The following NCAPD3 variants were observed in gnomAD, a reference collection of about 807,000 sequenced individuals.
The protein encoded by NCAPD3 is non-SMC condensin II complex subunit D3.
Under a neutral mutation model 182.9 loss-of-function variants are expected in NCAPD3, and 105 were observed. The observed-to-expected ratio is 0.57, with a 90% CI of 0.49 to 0.68. The LOEUF (loss-of-function observed/expected upper bound fraction) is 0.68, where lower values mean the gene tolerates loss of function less well. NCAPD3 is among the 30% of genes least tolerant of loss of function. NCAPD3 has a pLI of 0.00. For synonymous variants in NCAPD3, 815 were observed against 679.9 expected, an observed-to-expected ratio of 1.20 and a Z score of -3.09; for missense variants, 1,944 against 1,837.0, an observed-to-expected ratio of 1.06 and a Z score of -1.07.
intron 19 of NCAPD3, among the ~76,000 whole-genome samples, chr11:134,184,036 T>A (rs1431046218): frequency 6.6e-6 from 1 of 152,204 alleles, no homozygotes; most frequent in African/African-American, 2.4e-5. Context: ...GGTAATAAAA[T>A]TATTTCTTCA....
At chr11:134,177,106 A>G (rs1944187024) in intron 23 of NCAPD3, 113 bp downstream of exon 23, 2 of 804,090 alleles carry the variant, frequency 2.5e-6, no homozygotes, top group East Asian at 5.1e-5. Context: ...GAGATGAGAC[A>G]ATTATTTTTG....
chr11:134,219,321 G>A (rs1938141590), intron 2 of NCAPD3, among the ~76,000 whole-genome samples: 1 of 152,120 alleles, frequency 6.6e-6, no homozygotes. Flanking sequence ...TTCACAGTGT[G>A]GTTCGTAGAA....
At chr11:134,177,849 C>G (rs1438356313) in intron 22 of NCAPD3, 1 of 164,698 alleles carries the variant, frequency 6.1e-6, no homozygotes, top group Non-Finnish European at 1.3e-5. Context: ...AATTTGAAAT[C>G]TGAGCTGGGT....
At chr11:134,207,693 G>A (rs1242363998) in intron 7 of NCAPD3, among the ~76,000 whole-genome samples, 5 of 136,490 alleles carry the variant, frequency 3.7e-5, no homozygotes, top group Non-Finnish European at 7.6e-5. Context: ...GCAGTGAGCC[G>A]AGATCATGCC....
At chr11:134,158,949 T>C (rs958724797) in intron 29 of NCAPD3, among the ~76,000 whole-genome samples, 3 of 152,220 alleles carry the variant, frequency 2.0e-5, no homozygotes, top group Admixed American at 2.0e-4. Context: ...TTTGGCTTAT[T>C]TCACTTAATA....
chr11:134,203,142 C>G lies in NCAPD3; in HGVS notation c.1525G>C (p.Ala509Pro). The change falls in exon 12 of 35, where the codon GCT (alanine) becomes CCT (proline). Residue 509 changes from alanine (A) to proline (P), a missense_variant and splice_region_variant. Coordinates refer to ENST00000534548, the MANE Select transcript of NCAPD3 (RefSeq NM_015261.3). ...ATTTGAAAATGTATTGATCCATTACCTGATGAATTTCTCAGTAAGGTACCA... is the reference window on the plus strand; with the variant it reads ...ATTTGAAAATGTATTGATCCATTACGTGATGAATTTCTCAGTAAGGTACCA... ...HPGTLLRNSS[A>P]FSYQRQTSNR... is the part of the protein sequence containing the mutation. 1 of 1,579,386 alleles carries G rather than the reference C, an allele frequency of 6.3e-7. No homozygotes were observed. The highest frequency in any genetic ancestry group is 1.1e-5 in the South Asian group (1 of 89,822).
At chr11:134,191,325 T>C (rs1459551886) in intron 16 of NCAPD3, among the ~76,000 whole-genome samples, 2 of 152,098 alleles carry the variant, frequency 1.3e-5, no homozygotes, top group African/African-American at 2.4e-5. Context: ...TTTCAGAAAA[T>C]GTGCAGCACG....
At position 134,153,375 on chromosome 11, in the gene NCAPD3, G is replaced by A. The variant is rs766436718; in HGVS notation, c.4253-12C>T. The A allele has an allele frequency of 6.2e-5, 100 of 1,613,814 alleles. No individual in the cohort carries two copies. Among genetic ancestry groups the A allele is most frequent in the Non-Finnish European group, 8.4e-5 (99 of 1,179,796 alleles). ...ATCACTGATGCTCTCTGCATAAAGA[G>A]GAGACACCACTGAGTGAAAGCCGCG... On this transcript the variant is annotated splice_polypyrimidine_tract_variant and intron_variant, in intron 32 of 34. Transcript: ENST00000534548.
chr11:134,153,485 C>T (rs959162106), intron 32 of NCAPD3, 122 bp from the exon 33 acceptor site: 13 of 943,628 alleles, frequency 1.4e-5, no homozygotes, highest in Non-Finnish European at 2.1e-5. Context: ...GCCCTCAGAC[C>T]TCCACTGGAC....
At chr11:134,189,278 G>C (rs912337001) in intron 16 of NCAPD3, among the ~76,000 whole-genome samples, 6 of 152,022 alleles carry the variant, frequency 3.9e-5, no homozygotes, top group Non-Finnish European at 7.4e-5. Flanking sequence ...TTTGAAGACT[G>C]TTTTTCTTTC....
chr11:134,184,353 C>A (rs970556225), intron 19 of NCAPD3, among the ~76,000 whole-genome samples: 1 of 152,236 alleles, frequency 6.6e-6, no homozygotes, highest in East Asian at 1.9e-4. Context: ...TTGCAGAATT[C>A]TCACCAGGAA....
At chr11:134,185,039 G>A (rs751816650) in intron 17 of NCAPD3, 39 bp from the exon 18 acceptor site, 1 of 1,449,270 alleles carries the variant, frequency 6.9e-7, no homozygotes, top group East Asian at 2.3e-5. Flanking sequence ...GGAGAAGCAA[G>A]TTAAACACTG....
chr11:134,206,407 T>C (rs189150155), intron 8 of NCAPD3, among the ~76,000 whole-genome samples, 192 bp downstream of exon 8: 126 of 152,266 alleles, frequency 8.3e-4, no homozygotes, highest in African/African-American at 2.9e-3. Flanking sequence ...TCTTTAACAG[T>C]GCCCCAGCTG....
intron 1 of NCAPD3, chr11:134,223,375 A>G (rs1354049532): frequency 2.9e-6 from 2 of 699,398 alleles, no homozygotes; most frequent in African/African-American, 1.7e-5. Flanking sequence ...CAGAAATGCC[A>G]TGACTCCTGG....
In NCAPD3 at chr11:134,177,200, A is replaced by G. The variant is rs1944189455; in HGVS notation, c.3021+19T>C. On this transcript the variant is annotated intron_variant, in intron 23 of 34. Coordinates refer to ENST00000534548, the MANE Select transcript of NCAPD3 (RefSeq NM_015261.3). ...AGCAATGGTGAAGGGGAAAGGACAG[A>G]TTGAACCCCCCTACGCACCTGCAAG... 1 of 1,571,768 alleles carries G rather than the reference A, an allele frequency of 6.4e-7. No homozygotes were observed.
rs1943177534 is a variant in NCAPD3 at position 134,150,307 on chromosome 11, CTGAGA to C, written c.*2632_*2636del. 6.6e-6 allele frequency: 1 copy of C among 152,338 alleles called. No individual in the cohort carries two copies. Among genetic ancestry groups the C allele is most frequent in the Non-Finnish European group, 1.5e-5 (1 of 68,120 alleles). 9.4% of individuals were successfully genotyped at this position (152,338 alleles called of 1,614,324 possible). ...CAGGTTAGCTTTGAACTGCCTCTTCCTGAGATGACTAGGACAGTCTGTACCCAGAG... is the reference window on the plus strand; with the variant it reads ...CAGGTTAGCTTTGAACTGCCTCTTCCTGACTAGGACAGTCTGTACCCAGAG... On this transcript the variant is annotated 3_prime_UTR_variant, in exon 35 of 35. Transcript: ENST00000534548.
In NCAPD3 at chr11:134,192,828, G is replaced by T. The variant is rs377633130; in HGVS notation, c.1906C>A (p.Gln636Lys). 1.2e-6 allele frequency: 2 copies of T among 1,614,090 alleles called. No individual in the cohort carries two copies. The highest frequency in any genetic ancestry group is 2.2e-5 in the South Asian group (2 of 91,076). The change falls in exon 16 of 35, where the codon CAG becomes AAG. Residue 636 changes from glutamine to lysine, a missense_variant. Physicochemically the swap from Gln to Lys is moderately conservative, Grantham distance 53. Around this residue, in one of 3 missense-constraint regions of NCAPD3, gnomAD observed 1,803 missense variants for 1,674.6 expected, o/e 1.08. Coordinates refer to ENST00000534548, the MANE Select transcript of NCAPD3 (RefSeq NM_015261.3). ...TCCAGGAACTCCAGGGCCTTCTCCT[G>T]CACAGTGCTCTCGCAGTCCATCACC... is the stretch of plus-strand genomic sequence containing the variant. ...PVVMDCESTV[Q>K]EKALEFLDQL...
intron 27 of NCAPD3, among the ~76,000 whole-genome samples, chr11:134,167,367 C>G (rs1385112245): frequency 3.9e-5 from 3 of 77,918 alleles, no homozygotes; most frequent in Non-Finnish European, 2.4e-5. Context: ...TTGGGGGAGG[C>G]GCACACTCGT....
intron 31 of NCAPD3, among the ~76,000 whole-genome samples, chr11:134,157,532 A>G (rs918487174): frequency 2.0e-5 from 3 of 152,270 alleles, no homozygotes; most frequent in Non-Finnish European, 4.4e-5. Flanking sequence ...AATGCTATAA[A>G]GCCACTGAAA....
Sources: gnomAD v4.1 joint callset for allele counts (sites outside exome capture counted in the v4.1 genomes callset) on GRCh38, gnomAD v4.1.1 for gene constraint, gnomAD v4.1.1 regional missense constraint, MANE v1.5 for transcripts, NCBI Gene and HGNC (gene_info 2026-07-23, HGNC 2026-07-21) for gene names.